Variants in ARSG observed in about 807,000 individuals in gnomAD.
ARSG encodes the protein arylsulfatase G.
In ARSG, 37 loss-of-function variants were observed where a neutral mutation model predicts 50.5. The ratio of observed to expected loss-of-function variants is 0.73; its 90% confidence interval spans 0.56 to 0.96. ARSG has a LOEUF of 0.96. ARSG is among the 50% of genes least tolerant of loss of function. ARSG has a pLI of 0.00. For missense variants in ARSG, 629 were observed against 675.3 expected (o/e 0.93, Z 0.76); for synonymous variants, 225 against 254.6 (o/e 0.88, Z 1.11).
chr17:68,304,102 A>T (rs527438401), intron 1 of ARSG, among the ~76,000 whole-genome samples: 1 of 152,306 alleles, frequency 6.6e-6, no homozygotes, highest in East Asian at 1.9e-4. Flanking sequence ...AGTCTTGTAC[A>T]TGGGATCCAT....
intron 11 of ARSG, among the ~76,000 whole-genome samples, chr17:68,404,098 C>T (rs1355038496): frequency 1.3e-5 from 2 of 152,114 alleles, no homozygotes; most frequent in African/African-American, 4.8e-5. Flanking sequence ...TTTCTTAATC[C>T]AGTCTATCAT....
chr17:68,424,871 C>T (rs531157752), downstream of ARSG, among the ~76,000 whole-genome samples: 1 of 152,220 alleles, frequency 6.6e-6, no homozygotes, highest in Admixed American at 6.5e-5. Flanking sequence ...AGCAAGACTC[C>T]GTCTCAAAAA....
intron 1 of ARSG, among the ~76,000 whole-genome samples, chr17:68,304,294 T>C (rs1284331611): frequency 6.6e-6 from 1 of 152,250 alleles, no homozygotes; most frequent in Non-Finnish European, 1.5e-5. Context: ...CTCTTTCTCC[T>C]GAAAAGGGAG....
intron 2 of ARSG, among the ~76,000 whole-genome samples, chr17:68,323,059 T>TG (rs1417042918): frequency 6.6e-6 from 1 of 151,468 alleles, no homozygotes; most frequent in African/African-American, 2.4e-5. Flanking sequence ...CTCTCTCTGA[T>TG]GTTATCATCC....
the ARSG span, chr17:68,435,644 G>A: frequency 6.2e-7 from 1 of 1,614,184 alleles, no homozygotes; most frequent in Non-Finnish European, 8.5e-7. Flanking sequence ...TTGCTAGTTT[G>A]GAGCCTGAGG....
intron 3 of ARSG, chr17:68,346,604 C>A: frequency 1.7e-6 from 1 of 603,764 alleles, no homozygotes; most frequent in Non-Finnish European, 2.4e-6. Context: ...CGAGGAGCAG[C>A]AGGGTGTCTG....
intron 7 of ARSG, among the ~76,000 whole-genome samples, chr17:68,369,530 A>T (rs1407368729): frequency 6.7e-6 from 1 of 149,004 alleles, no homozygotes; most frequent in African/African-American, 2.5e-5. Context: ...ACAGAGCAAG[A>T]CTCTGTCTCA....
upstream of ARSG, among the ~76,000 whole-genome samples, chr17:68,290,584 TG>T (rs2075951998): frequency 6.6e-6 from 1 of 152,186 alleles, no homozygotes; most frequent in Non-Finnish European, 1.5e-5. Flanking sequence ...GTGCTGTGTT[TG>T]GGGGTCGGGG....
chr17:68,443,160 G>A, the ARSG span, among the ~76,000 whole-genome samples: 1 of 152,030 alleles, frequency 6.6e-6, no homozygotes, highest in East Asian at 1.9e-4. Context: ...GCCCAGGCTG[G>A]AGTGCAGTGG....
chr17:68,349,750 A>G (rs9907792), intron 4 of ARSG, among the ~76,000 whole-genome samples: 77,307 of 151,382 alleles, frequency 0.51, 19,838 homozygotes, highest in Admixed American at 0.57. Context: ...GGGCGTGGTG[A>G]CAGGTGCCTG....
At chr17:68,287,352 G>A (rs1022164804), upstream of ARSG, among the ~76,000 whole-genome samples, 14 of 151,302 alleles carry the variant, frequency 9.3e-5, no homozygotes, top group Non-Finnish European at 1.8e-4. Context: ...TAGAGACAGG[G>A]TCTCCCTATG....
At chr17:68,372,352 T>C (rs1006588902) in intron 8 of ARSG, among the ~76,000 whole-genome samples, 7 of 152,138 alleles carry the variant, frequency 4.6e-5, no homozygotes, top group African/African-American at 1.7e-4. Context: ...CACATTGCTA[T>C]AAAGAACTAC....
intron 11 of ARSG, 56 bp downstream of exon 11, chr17:68,401,506 C>A (rs1003709029): frequency 1.3e-5 from 20 of 1,510,080 alleles, no homozygotes; most frequent in Non-Finnish European, 1.8e-5. Flanking sequence ...ACGGGGACCC[C>A]ATGGACTCTC....
intron 2 of ARSG, among the ~76,000 whole-genome samples, chr17:68,320,582 G>A (rs1390414589): frequency 6.6e-6 from 1 of 152,194 alleles, no homozygotes; most frequent in Non-Finnish European, 1.5e-5. Context: ...GTTGAGTATG[G>A]CAGGGCTGGG....
Position 68,405,489 on chromosome 17 carries a change from G to A in ARSG, c.1303+4039G>A, listed in dbSNP as rs148377220. 3.5e-4 allele frequency among the ~76,000 whole-genome samples: 53 copies of A among 152,180 alleles called. 1 individual carries two copies. The East Asian group carries it at 9.6e-3, about 28-fold the overall frequency. ...CAATTTCGTTTTCAGATTGTTCACT[G>A]TTAGTGTATAGAAATATAACTGGCT... On this transcript the variant is annotated intron_variant, in intron 11 of 11. Transcript: ENST00000621439.
intron 11 of ARSG, among the ~76,000 whole-genome samples, chr17:68,416,807 T>C (rs985532477): frequency 2.6e-5 from 4 of 152,176 alleles, no homozygotes; most frequent in African/African-American, 9.7e-5. Flanking sequence ...ATGTCCAATG[T>C]TTCCTGATGT....
At chr17:68,259,600 G>T (rs1405823470) in intron 1 of ARSG, among the ~76,000 whole-genome samples, 7 of 152,236 alleles carry the variant, frequency 4.6e-5, no homozygotes, top group Non-Finnish European at 1.0e-4. Context: ...AATGCATAAA[G>T]AAGCAGGTGG....
chr17:68,345,957 C>T (rs1273383998), intron 3 of ARSG, among the ~76,000 whole-genome samples: 1 of 152,116 alleles, frequency 6.6e-6, no homozygotes, highest in African/African-American at 2.4e-5. Context: ...CCCACTGCAA[C>T]CCCCACCTCC....
the ARSG span, chr17:68,440,910 A>C: frequency 6.6e-6 from 1 of 152,256 alleles, no homozygotes; most frequent in Non-Finnish European, 1.5e-5. Flanking sequence ...AAAAATAGAA[A>C]GACATCTTCT....
Sources: gnomAD v4.1 joint callset for allele counts (sites outside exome capture counted in the v4.1 genomes callset) on GRCh38, gnomAD v4.1.1 for gene constraint, MANE v1.5 for transcripts, NCBI Gene and HGNC (gene_info 2026-07-23, HGNC 2026-07-21) for gene names.